PINX1: variants seen among roughly 807,000 people sequenced by gnomAD.
PINX1 encodes PIN2 (TERF1) interacting telomerase inhibitor 1.
A neutral mutation model predicts 25.4 loss-of-function variants in PINX1; 34 were observed. The observed-to-expected ratio is 1.34, with a 90% CI of 1.02 to 1.78. PINX1 has a LOEUF of 1.78. Ranked by LOEUF, PINX1 falls within the 40% of genes most tolerant of loss-of-function variation. The pLI, the probability that PINX1 is intolerant of heterozygous loss-of-function variation, is 0.00. For missense variants in PINX1, 592 were observed against 404.9 expected, an observed-to-expected ratio of 1.46 and a Z score of -3.97; for synonymous variants, 197 against 147.7, an observed-to-expected ratio of 1.33 and a Z score of -2.42.
chr8:10,814,660 A>C (rs1021687055), intron 6 of PINX1, among the ~76,000 whole-genome samples: 5 of 152,232 alleles, frequency 3.3e-5, no homozygotes, highest in Non-Finnish European at 5.9e-5. Context: ...TCAGAGAAGA[A>C]ATACTTATTT....
At chr8:10,828,624 T>C (rs1463645757) in intron 4 of PINX1, among the ~76,000 whole-genome samples, 3 of 152,212 alleles carry the variant, frequency 2.0e-5, no homozygotes, top group Non-Finnish European at 2.9e-5. Flanking sequence ...TGAGCGTCTC[T>C]ACCTTCTCAG....
At chr8:10,830,980 A>G (rs554690308) in intron 4 of PINX1, among the ~76,000 whole-genome samples, 1 of 152,366 alleles carries the variant, frequency 6.6e-6, no homozygotes, top group African/African-American at 2.4e-5. Context: ...AGCATGTTGC[A>G]GAGGTACCTG....
At chr8:10,785,602 T>C (rs560631342) in intron 6 of PINX1, among the ~76,000 whole-genome samples, 5 of 152,324 alleles carry the variant, frequency 3.3e-5, no homozygotes, top group South Asian at 4.1e-4. Context: ...CTGGGACAGT[T>C]TGAACAATAA....
intron 6 of PINX1, among the ~76,000 whole-genome samples, chr8:10,767,757 C>T (rs1188930529): frequency 2.7e-5 from 4 of 149,192 alleles, no homozygotes; most frequent in African/African-American, 4.9e-5. Context: ...CAGGCACCCT[C>T]ACAGCCACAC....
At chr8:10,784,500 G>A (rs186936332) in intron 6 of PINX1, among the ~76,000 whole-genome samples, 11 of 152,296 alleles carry the variant, frequency 7.2e-5, no homozygotes, top group African/African-American at 2.6e-4. Flanking sequence ...TAAAAGCTAT[G>A]TTCCTTTTAG....
At chr8:10,814,411 AGAG>A (rs1797631001) in intron 6 of PINX1, among the ~76,000 whole-genome samples, 1 of 152,232 alleles carries the variant, frequency 6.6e-6, no homozygotes, top group Non-Finnish European at 1.5e-5. Flanking sequence ...CAATGAAGTC[AGAG>A]GAGAGTCCTT....
At chr8:10,827,910 CAAAAAA>C (rs35913986) in intron 4 of PINX1, among the ~76,000 whole-genome samples, 5 of 82,310 alleles carry the variant, frequency 6.1e-5, no homozygotes, top group Admixed American at 1.3e-4. Context: ...GACTCCATCT[CAAAAAA>C]AAAAAAAAAA....
intron 6 of PINX1, among the ~76,000 whole-genome samples, chr8:10,795,969 A>C (rs1204221496): frequency 1.3e-5 from 2 of 152,192 alleles, no homozygotes; most frequent in African/African-American, 2.4e-5. Context: ...TAGTTGCCTA[A>C]AGGTGGTTTA....
intron 6 of PINX1, among the ~76,000 whole-genome samples, chr8:10,819,887 T>C (rs73662633): frequency 1.3e-5 from 2 of 152,294 alleles, no homozygotes; most frequent in African/African-American, 4.8e-5. Flanking sequence ...GAAGAGATAT[T>C]TTCCCCTCTG....
At chr8:10,803,873 G>A (rs1256083773) in intron 6 of PINX1, among the ~76,000 whole-genome samples, 1 of 152,148 alleles carries the variant, frequency 6.6e-6, no homozygotes, top group Non-Finnish European at 1.5e-5. Flanking sequence ...GATTTTAGTA[G>A]GAAGGAGAAA....
chr8:10,825,653 C>T (rs1294650268), intron 5 of PINX1, among the ~76,000 whole-genome samples: 1 of 152,162 alleles, frequency 6.6e-6, no homozygotes, highest in Non-Finnish European at 1.5e-5. Flanking sequence ...CTATGGAATG[C>T]CTACGCTGTG....
In PINX1 at chr8:10,765,632, C is replaced by T; in HGVS notation, c.756G>A (p.Lys252=). The T allele has an allele frequency of 6.2e-7, 1 of 1,613,922 alleles. No homozygotes were observed. Among genetic ancestry groups the T allele is most frequent in the Non-Finnish European group, 8.5e-7 (1 of 1,179,896 alleles). Residue 252 remains lysine, a synonymous_variant, in exon 7 of 7, where the codon AAG becomes AAA. Coordinates refer to ENST00000314787, the MANE Select transcript of PINX1 (RefSeq NM_017884.6). ...RAEAQERVAK[K]KSAPAEEQLR... ...GCTGCTCTTCTGCTGGCGCGCTCTTCTTCTTGGCCACTCGCTCCTGGGCCT... is the reference window on the plus strand; with the variant it reads ...GCTGCTCTTCTGCTGGCGCGCTCTTTTTCTTGGCCACTCGCTCCTGGGCCT...
intron 2 of PINX1, 110 bp from the exon 3 acceptor site, chr8:10,833,094 T>C (rs1326351864): frequency 3.2e-6 from 2 of 623,916 alleles, no homozygotes; most frequent in Admixed American, 3.1e-5. Context: ...GAGTTGATGA[T>C]TCTCTCCATT....
chr8:10,769,902 T>C (rs556913140), intron 6 of PINX1, among the ~76,000 whole-genome samples: 3 of 152,140 alleles, frequency 2.0e-5, no homozygotes, highest in African/African-American at 4.8e-5. Flanking sequence ...ATTGACCACA[T>C]AATCCAGAGA....
At chr8:10,831,605 A>G (rs1798228498) in intron 4 of PINX1, 60 bp downstream of exon 4, 1 of 1,099,620 alleles carries the variant, frequency 9.1e-7, no homozygotes, top group Non-Finnish European at 1.4e-6. Flanking sequence ...AATAAAAGCA[A>G]AAAACAAAAA....
chr8:10,776,459 A>G (rs1801399663), intron 6 of PINX1, among the ~76,000 whole-genome samples: 1 of 149,474 alleles, frequency 6.7e-6, no homozygotes, highest in Non-Finnish European at 1.5e-5. Flanking sequence ...ACAAACAAAC[A>G]AACAAACAAA....
intron 6 of PINX1, among the ~76,000 whole-genome samples, chr8:10,817,930 TAA>T (rs35830154): frequency 1.3e-5 from 2 of 151,806 alleles, no homozygotes; most frequent in African/African-American, 2.4e-5. Flanking sequence ...GGGGAGGAAT[TAA>T]AAAAAAATTT....
intron 6 of PINX1, among the ~76,000 whole-genome samples, chr8:10,813,313 G>A (rs745923591): frequency 6.6e-6 from 1 of 152,100 alleles, no homozygotes; most frequent in African/African-American, 2.4e-5. Flanking sequence ...TAAATGTTGG[G>A]TATCAGTGTG....
At chr8:10,807,317 T>TCCCCCC (rs1184898113) in intron 6 of PINX1, among the ~76,000 whole-genome samples, 17 of 39,756 alleles carry the variant, frequency 4.3e-4, no homozygotes, top group East Asian at 2.6e-3. Context: ...ATCAAGAAAA[T>TCCCCCC]CCCCCCCCCA....
Sources: gnomAD v4.1 joint callset for allele counts (sites outside exome capture counted in the v4.1 genomes callset) on GRCh38, gnomAD v4.1.1 for gene constraint, MANE v1.5 for transcripts, NCBI Gene and HGNC (gene_info 2026-07-23, HGNC 2026-07-21) for gene names.